The following SUCLG2 variants were observed in gnomAD, a reference collection of about 807,000 sequenced individuals.
SUCLG2 encodes the protein succinate-CoA ligase GDP-forming subunit beta.
A neutral mutation model predicts 47.9 loss-of-function variants in SUCLG2; 42 were observed. That is an observed-to-expected ratio of 0.88 (90% CI 0.69 to 1.14). SUCLG2 has a LOEUF of 1.14. Among genes scored for constraint, SUCLG2 ranks in the 50% most tolerant of loss-of-function variants. The probability of loss-of-function intolerance (pLI) is 0.00; values close to 1 mark genes in which losing one functional copy is unlikely to be tolerated. For missense variants in SUCLG2, 571 were observed against 525.9 expected (o/e 1.09, Z -0.84); for synonymous variants, 195 against 197.3 (o/e 0.99, Z 0.10).
chr3:67,430,321 G>C (rs1264071048), intron 9 of SUCLG2, among the ~76,000 whole-genome samples: 7 of 152,172 alleles, frequency 4.6e-5, no homozygotes, highest in Non-Finnish European at 1.5e-5. Context: ...CAACTACATG[G>C]AAACTGAACA....
In SUCLG2 at chr3:67,654,612, C is replaced by T; in HGVS notation, c.-26G>A. Reference sequence around the variant, plus strand: ...CTTAAACAGGAAACTCGGCACGGGGCAGTAGGGCGGGCGCGGGCAGGGGAA... The same window carrying T: ...CTTAAACAGGAAACTCGGCACGGGGTAGTAGGGCGGGCGCGGGCAGGGGAA... On this transcript the variant is annotated 5_prime_UTR_variant, in exon 1 of 11. Transcript: ENST00000307227. The T allele has an allele frequency of 7.9e-7, 1 of 1,260,660 alleles. No individual in the cohort carries two copies. 78.1% of individuals were successfully genotyped at this position (1,260,660 alleles called of 1,614,324 possible). A position where few individuals can be genotyped will look rare whatever the true frequency, so the allele number is the denominator to read the frequency against.
intron 10 of SUCLG2, among the ~76,000 whole-genome samples, chr3:67,398,581 A>G (rs1313319120): frequency 6.6e-6 from 1 of 151,986 alleles, no homozygotes; most frequent in Non-Finnish European, 1.5e-5. Context: ...TGGGACTGTA[A>G]ACTAGTTCAA....
rs188583531 is a variant in SUCLG2, at chr3:67,426,118, A to G, written c.1063-25267T>C. Among the ~76,000 whole-genome samples, 507 of 152,308 alleles carry G rather than the reference A, an allele frequency of 3.3e-3. 4 individuals are homozygous for G. Among genetic ancestry groups the G allele is most frequent in the Non-Finnish European group, 5.4e-3 (364 of 68,024 alleles). ...AAGTCTCTATTCCAGGAGGTTAGAC[A>G]AGACAAGATTGCCAAGCTTTAGTAT... On this transcript the variant is annotated intron_variant, in intron 9 of 10. Transcript: ENST00000307227.
intron 9 of SUCLG2, among the ~76,000 whole-genome samples, chr3:67,493,841 T>C (rs534164880): frequency 2.0e-5 from 3 of 152,350 alleles, no homozygotes; most frequent in Admixed American, 2.0e-4. Context: ...AATTAATACA[T>C]GATTAGAGAG....
At chr3:67,577,172 C>G (rs1229075837) in intron 2 of SUCLG2, among the ~76,000 whole-genome samples, 24 of 152,086 alleles carry the variant, frequency 1.6e-4, no homozygotes, top group Non-Finnish European at 4.4e-5. Flanking sequence ...ATTAGACAAG[C>G]ATGGTGGCAC....
intron 9 of SUCLG2, among the ~76,000 whole-genome samples, chr3:67,455,474 C>T (rs7628838): frequency 0.79 from 120,369 of 152,154 alleles, 47,971 homozygotes; most frequent in Admixed American, 0.86. Flanking sequence ...CAGAATCAGA[C>T]TGGAGGAAAA....
intron 9 of SUCLG2, among the ~76,000 whole-genome samples, chr3:67,427,156 G>GT (rs1296905359): frequency 5.9e-5 from 9 of 152,096 alleles, no homozygotes; most frequent in African/African-American, 2.2e-4. Context: ...ATAGCCAAAG[G>GT]TATGTATTTT....
chr3:67,594,204 C>A (rs908771485), intron 2 of SUCLG2, among the ~76,000 whole-genome samples: 1 of 152,184 alleles, frequency 6.6e-6, no homozygotes, highest in Non-Finnish European at 1.5e-5. Context: ...TGTTACCTAG[C>A]GTTGTTGAGG....
At chr3:67,528,522 A>C (rs745447968) in intron 3 of SUCLG2, among the ~76,000 whole-genome samples, 2 of 152,242 alleles carry the variant, frequency 1.3e-5, no homozygotes, top group South Asian at 4.1e-4. Flanking sequence ...GATTCAGATA[A>C]GGGTTGACTG....
intron 2 of SUCLG2, among the ~76,000 whole-genome samples, chr3:67,581,494 A>G (rs993280332): frequency 2.0e-5 from 3 of 152,216 alleles, no homozygotes; most frequent in Non-Finnish European, 4.4e-5. Flanking sequence ...GAGGGCATGC[A>G]ATGAAGTGAT....
intron 10 of SUCLG2, among the ~76,000 whole-genome samples, chr3:67,400,422 C>A (rs1702656765): frequency 6.6e-6 from 1 of 152,106 alleles, no homozygotes; most frequent in Admixed American, 6.6e-5. Flanking sequence ...GCATGATTCT[C>A]AGAGAAACAT....
chr3:67,550,379 A>G (rs1281659074), intron 2 of SUCLG2, among the ~76,000 whole-genome samples: 1 of 151,658 alleles, frequency 6.6e-6, no homozygotes, highest in African/African-American at 2.4e-5. Flanking sequence ...TCACTCTATC[A>G]CCCAGGCTGG....
At chr3:67,483,453 A>G (rs1031811586) in intron 9 of SUCLG2, among the ~76,000 whole-genome samples, 3 of 152,168 alleles carry the variant, frequency 2.0e-5, no homozygotes, top group African/African-American at 7.2e-5. Flanking sequence ...ATCTATCAGA[A>G]ATAACAAACA....
intron 2 of SUCLG2, among the ~76,000 whole-genome samples, chr3:67,602,178 A>T (rs1041722966): frequency 6.6e-6 from 1 of 152,092 alleles, no homozygotes; most frequent in Non-Finnish European, 1.5e-5. Context: ...AGATTCCAGG[A>T]GATAATATTT....
intron 2 of SUCLG2, among the ~76,000 whole-genome samples, chr3:67,570,694 A>G (rs1707583539): frequency 6.6e-6 from 1 of 152,202 alleles, no homozygotes; most frequent in Non-Finnish European, 1.5e-5. Flanking sequence ...CTGGCTGGCA[A>G]TACTCTGTAC....
chr3:67,378,824 G>A (rs1702090213), intron 10 of SUCLG2, among the ~76,000 whole-genome samples: 1 of 152,222 alleles, frequency 6.6e-6, no homozygotes, highest in Non-Finnish European at 1.5e-5. Context: ...TTAGATAGCA[G>A]GCTAAGGAAT....
intron 1 of SUCLG2, among the ~76,000 whole-genome samples, chr3:67,624,237 C>T (rs1343194340): frequency 6.6e-6 from 1 of 152,232 alleles, no homozygotes; most frequent in Non-Finnish European, 1.5e-5. Context: ...GCCTGTCACA[C>T]TGGCTTGCCA....
chr3:67,503,425 T>C (rs1249110574), intron 7 of SUCLG2, among the ~76,000 whole-genome samples: 3 of 152,244 alleles, frequency 2.0e-5, no homozygotes, highest in African/African-American at 7.2e-5. Context: ...TATTTCCTCC[T>C]GTAAGACGCT....
chr3:67,495,667 A>AAT, intron 9 of SUCLG2, 131 bp downstream of exon 9: 24 of 1,061,990 alleles, frequency 2.3e-5, no homozygotes, highest in South Asian at 3.5e-5. Flanking sequence ...AAAAAAAAAA[A>AAT]GATAGAAGTT....
Sources: gnomAD v4.1 joint callset for allele counts (sites outside exome capture counted in the v4.1 genomes callset) on GRCh38, gnomAD v4.1.1 for gene constraint, MANE v1.5 for transcripts, NCBI Gene and HGNC (gene_info 2026-07-23, HGNC 2026-07-21) for gene names.